MYO1H: variants seen among roughly 807,000 people sequenced by gnomAD.
The protein encoded by MYO1H is unconventional myosin-Ih.
MYO1H carries 118 observed loss-of-function variants against 149.3 expected under a neutral mutation model. That is an observed-to-expected ratio of 0.79 (90% CI 0.68 to 0.92). MYO1H has a LOEUF of 0.92. Ranked by LOEUF, MYO1H falls within the 40% of genes least tolerant of loss-of-function variation. The pLI is 0.00. For synonymous variants in MYO1H, 447 were observed against 465.2 expected, an observed-to-expected ratio of 0.96 and a Z score of 0.50; for missense variants, 1,212 against 1,280.7, an observed-to-expected ratio of 0.95 and a Z score of 0.82.
intron 16 of MYO1H, among the ~76,000 whole-genome samples, chr12:109,423,538 C>T (rs1473340023): frequency 6.6e-6 from 1 of 152,228 alleles, no homozygotes; most frequent in Non-Finnish European, 1.5e-5. Flanking sequence ...ATCTCCTGAA[C>T]TCTTTTCATC....
At chr12:109,392,964 C>A (rs1869721492) in intron 2 of MYO1H, among the ~76,000 whole-genome samples, 1 of 151,760 alleles carries the variant, frequency 6.6e-6, no homozygotes, top group Admixed American at 6.6e-5. Flanking sequence ...CATGCACCAT[C>A]ACACCTGGCT....
intron 2 of MYO1H, among the ~76,000 whole-genome samples, chr12:109,392,927 C>T (rs953438761): frequency 2.6e-5 from 4 of 151,474 alleles, no homozygotes; most frequent in Non-Finnish European, 5.9e-5. Flanking sequence ...CTCCTGCCTC[C>T]GCCTCCCGAG....
intron 15 of MYO1H, among the ~76,000 whole-genome samples, chr12:109,420,273 G>A (rs561561183): frequency 6.6e-6 from 1 of 152,298 alleles, no homozygotes; most frequent in South Asian, 2.1e-4. Flanking sequence ...TGAGGACCTG[G>A]TTCTCAATGA....
At chr12:109,415,938 TTTTATTTTATTTTA>T (rs1870884950) in intron 15 of MYO1H, among the ~76,000 whole-genome samples, 1 of 150,848 alleles carries the variant, frequency 6.6e-6, no homozygotes, top group Non-Finnish European at 1.5e-5. Flanking sequence ...TTTTATTTTA[TTTTATTTTATTTTA>T]TTTATTTTGA....
At chr12:109,313,659 C>G in the MYO1H span, among the ~76,000 whole-genome samples, 1 of 152,186 alleles carries the variant, frequency 6.6e-6, no homozygotes, top group Non-Finnish European at 1.5e-5. Flanking sequence ...CAGCCCAGAT[C>G]CAGGTTCATC....
chr12:109,393,172 C>T (rs1297263855), intron 2 of MYO1H, among the ~76,000 whole-genome samples, 159 bp from the exon 3 acceptor site: 1 of 152,120 alleles, frequency 6.6e-6, no homozygotes, highest in African/African-American at 2.4e-5. Context: ...TGTTTGTCTG[C>T]TGTCTCCCTC....
chr12:109,331,787 G>A, the MYO1H span, among the ~76,000 whole-genome samples: 1 of 152,186 alleles, frequency 6.6e-6, no homozygotes, highest in African/African-American at 2.4e-5. Context: ...GCTCCTGCAT[G>A]ACAGCTGGAG....
chr12:109,436,615 G>A, intron 22 of MYO1H, 59 bp downstream of exon 22: 1 of 1,228,062 alleles, frequency 8.1e-7, no homozygotes, highest in Non-Finnish European at 1.2e-6. Flanking sequence ...TGGCACCTGG[G>A]GGCACATTTG....
intron 6 of MYO1H, among the ~76,000 whole-genome samples, chr12:109,401,797 T>G (rs868134266): frequency 4.6e-5 from 7 of 152,096 alleles, no homozygotes; most frequent in Middle Eastern, 6.8e-3. Context: ...TGGAGTGCAG[T>G]AGCATAATAA....
the MYO1H span, among the ~76,000 whole-genome samples, chr12:109,339,289 C>A: frequency 2.6e-5 from 4 of 152,014 alleles, no homozygotes; most frequent in African/African-American, 9.7e-5. Flanking sequence ...TGCTTGAATG[C>A]GGAAGGTGGA....
the MYO1H span, among the ~76,000 whole-genome samples, chr12:109,322,521 C>T: frequency 6.6e-6 from 1 of 152,110 alleles, no homozygotes; most frequent in Admixed American, 6.5e-5. Context: ...AATGTTCTTG[C>T]TTTAACTACA....
intron 1 of MYO1H, among the ~76,000 whole-genome samples, chr12:109,369,821 T>C (rs1011408717): frequency 6.6e-6 from 1 of 152,220 alleles, no homozygotes; most frequent in Non-Finnish European, 1.5e-5. Context: ...ATTTTCATGC[T>C]GCTGATAAAG....
At chr12:109,372,889 C>T (rs1460797019) in intron 1 of MYO1H, among the ~76,000 whole-genome samples, 1 of 152,040 alleles carries the variant, frequency 6.6e-6, no homozygotes, top group Non-Finnish European at 1.5e-5. Context: ...TATCCAAGAA[C>T]ATAGTATATC....
intron 19 of MYO1H, 56 bp from the exon 20 acceptor site, chr12:109,432,841 G>T: frequency 6.8e-7 from 1 of 1,471,766 alleles, no homozygotes; most frequent in Non-Finnish European, 9.5e-7. Flanking sequence ...GGGGATGTGG[G>T]GGAGGGCTAG....
chr12:109,402,445 AAAG>A (rs1346648769), intron 6 of MYO1H, among the ~76,000 whole-genome samples: 4 of 152,172 alleles, frequency 2.6e-5, no homozygotes, highest in African/African-American at 9.7e-5. Flanking sequence ...TCATGGAAGA[AAAG>A]AAGCCTTGAC....
chr12:109,354,821 G>A (rs1342444838), intron 1 of MYO1H, among the ~76,000 whole-genome samples: 1 of 152,112 alleles, frequency 6.6e-6, no homozygotes, highest in Non-Finnish European at 1.5e-5. Flanking sequence ...TTCAACAAGA[G>A]GAATCTTAGG....
At chr12:109,407,651 C>T (rs1870453201) in intron 9 of MYO1H, 143 bp from the exon 10 acceptor site, 1 of 750,666 alleles carries the variant, frequency 1.3e-6, no homozygotes, top group South Asian at 3.1e-5. Context: ...CACCTGTAGT[C>T]CCAGCTACTG....
chr12:109,368,500 A>G (rs922463661), intron 1 of MYO1H, among the ~76,000 whole-genome samples: 5 of 152,146 alleles, frequency 3.3e-5, no homozygotes, highest in Non-Finnish European at 2.9e-5. Flanking sequence ...TACTAAAAAT[A>G]TAAAAATTAG....
chr12:109,384,329 C>A lies in MYO1H; in HGVS notation c.13-4354C>A, dbSNP rs200594467. Among the ~76,000 whole-genome samples, 3 of 152,290 alleles carry A rather than the reference C, an allele frequency of 2.0e-5. No individual in the cohort carries two copies. The East Asian group carries it at 5.8e-4, about 29-fold the overall frequency. On this transcript the variant is annotated intron_variant, in intron 1 of 31. Transcript: ENST00000310903. ...GTTTTATCACCCCAAAGATGGAGTT[C>A]TTTCTTAGATGTAACTTAATTTGAT...
Sources: gnomAD v4.1 joint callset for allele counts (sites outside exome capture counted in the v4.1 genomes callset) on GRCh38, gnomAD v4.1.1 for gene constraint, MANE v1.5 for transcripts, NCBI Gene and HGNC (gene_info 2026-07-23, HGNC 2026-07-21) for gene names.